PRKCA: variants seen among roughly 807,000 people sequenced by gnomAD.
PRKCA encodes protein kinase C alpha.
Under a neutral mutation model 87.0 loss-of-function variants are expected in PRKCA, and 27 were observed. The ratio of observed to expected loss-of-function variants is 0.31; its 90% CI spans 0.23 to 0.43. The LOEUF (loss-of-function observed/expected upper bound fraction) is 0.43. Ranked by LOEUF, PRKCA falls within the 20% of genes least tolerant of loss-of-function variation. PRKCA has a pLI of 1.00. For missense variants in PRKCA, 518 were observed against 852.3 expected (o/e 0.61, Z 4.88); for synonymous variants, 329 against 311.1 (o/e 1.06, Z -0.61).
At chr17:66,338,006 C>G (rs192939209) in intron 2 of PRKCA, among the ~76,000 whole-genome samples, 1 of 150,910 alleles carries the variant, frequency 6.6e-6, no homozygotes, top group Non-Finnish European at 1.5e-5. Context: ...ATCTTCCCCC[C>G]CCTCCGCCCC....
chr17:66,323,984 T>G (rs1286709278), intron 2 of PRKCA, among the ~76,000 whole-genome samples: 1 of 152,124 alleles, frequency 6.6e-6, no homozygotes, highest in Non-Finnish European at 1.5e-5. Flanking sequence ...TTTACTTGTC[T>G]AAACTTCACC....
At chr17:66,761,366 C>T (rs1319816262) in intron 13 of PRKCA, among the ~76,000 whole-genome samples, 1 of 135,262 alleles carries the variant, frequency 7.4e-6, no homozygotes, top group Non-Finnish European at 1.6e-5. Context: ...AAGACTCCGT[C>T]TCAAAAAAAA....
At chr17:66,543,659 A>G (rs1371332215) in intron 3 of PRKCA, among the ~76,000 whole-genome samples, 1 of 152,238 alleles carries the variant, frequency 6.6e-6, no homozygotes, top group Non-Finnish European at 1.5e-5. Flanking sequence ...GGCAGATTTT[A>G]TAATGCAGAA....
Position 66,696,776 on chromosome 17 carries a change from G to C in PRKCA, c.918+7729G>C, listed in dbSNP as rs1972933074. ...AGCTAAACCCGAATTCTGCTATCTT[G>C]ATGACATTTTCAGCAGACAGGCTTC... is the stretch of plus-strand genomic sequence containing the variant. On this transcript the variant is annotated intron_variant, in intron 8 of 16. Coordinates refer to ENST00000413366, the MANE Select transcript of PRKCA (RefSeq NM_002737.3). Among the ~76,000 whole-genome samples the C allele has an allele frequency of 1.3e-5, 2 of 152,184 alleles. 1 individual carries two copies. The highest frequency in any genetic ancestry group is 4.1e-4 in the South Asian group (2 of 4,828).
chr17:66,789,107 A>G, intron 16 of PRKCA, 128 bp downstream of exon 16: 1 of 1,187,464 alleles, frequency 8.4e-7, no homozygotes, highest in South Asian at 1.4e-5. Flanking sequence ...GAAACGGGCC[A>G]GGTTTCAGCC....
intron 6 of PRKCA, 40 bp from the exon 7 acceptor site, chr17:66,688,262 T>A (rs748137542): frequency 1.2e-6 from 2 of 1,607,286 alleles, no homozygotes; most frequent in Non-Finnish European, 1.7e-6. Context: ...GAAACCATGA[T>A]CAAGATAACC....
At chr17:66,426,435 AG>A (rs1266805700) in intron 2 of PRKCA, among the ~76,000 whole-genome samples, 1 of 152,232 alleles carries the variant, frequency 6.6e-6, no homozygotes, top group Admixed American at 6.5e-5. Flanking sequence ...GCAAGATTTC[AG>A]GTTGTGTCAA....
chr17:66,667,977 C>T (rs1442193145), intron 5 of PRKCA, among the ~76,000 whole-genome samples: 2 of 152,226 alleles, frequency 1.3e-5, no homozygotes, highest in African/African-American at 4.8e-5. Flanking sequence ...AAACCACTTA[C>T]TGCCACCTTG....
intron 16 of PRKCA, among the ~76,000 whole-genome samples, chr17:66,793,670 G>A (rs1457588404): frequency 1.3e-5 from 2 of 149,200 alleles, no homozygotes; most frequent in Non-Finnish European, 3.0e-5. Flanking sequence ...TAAAACAGAT[G>A]TCGCCTCTGG....
chr17:66,714,265 G>A lies in PRKCA; in HGVS notation c.919-18423G>A, dbSNP rs546894948. Among the ~76,000 whole-genome samples the A allele has an allele frequency of 7.3e-5, 11 of 150,514 alleles. No homozygotes were observed. The South Asian group carries it at 2.1e-3, about 29-fold the overall frequency. ...GGAGAATGCCCCCTTGTGAGTCCAC[G>A]CCCCCCTCAAGCTGCCAGGCCTCAT... On this transcript the variant is annotated intron_variant, in intron 8 of 16. Transcript: ENST00000413366.
intron 3 of PRKCA, chr17:66,554,630 A>G (rs976539231): frequency 2.0e-5 from 15 of 738,172 alleles, no homozygotes; most frequent in Non-Finnish European, 2.3e-5. Context: ...GGTGGGGGGC[A>G]CTAGCAAATA....
intron 3 of PRKCA, among the ~76,000 whole-genome samples, chr17:66,507,648 G>T (rs999142942): frequency 6.6e-6 from 1 of 152,176 alleles, no homozygotes. Flanking sequence ...CTTGGTTTAG[G>T]TCCTTCTGAA....
chr17:66,363,785 C>G (rs997237546), intron 2 of PRKCA, among the ~76,000 whole-genome samples: 6 of 152,220 alleles, frequency 3.9e-5, no homozygotes, highest in African/African-American at 1.4e-4. Flanking sequence ...TCACTGCAAC[C>G]TCTGCCTCCC....
At chr17:66,572,568 C>T (rs957034387) in intron 3 of PRKCA, among the ~76,000 whole-genome samples, 2 of 152,200 alleles carry the variant, frequency 1.3e-5, no homozygotes, top group African/African-American at 4.8e-5. Flanking sequence ...TGGTAACCCA[C>T]AGCTCACTGC....
intron 2 of PRKCA, among the ~76,000 whole-genome samples, chr17:66,479,132 A>G (rs973510246): frequency 5.9e-5 from 9 of 152,358 alleles, no homozygotes; most frequent in African/African-American, 2.2e-4. Context: ...TTCAGCAAAG[A>G]TCTAATATCC....
chr17:66,765,426 A>C (rs797014137), intron 13 of PRKCA, among the ~76,000 whole-genome samples: 84 of 124,280 alleles, frequency 6.8e-4, no homozygotes, highest in African/African-American at 1.2e-3. Context: ...GTCTATATAT[A>C]TATATATATA....
In PRKCA at chr17:66,655,533, A is replaced by G. The variant is rs188897571; in HGVS notation, c.529+10022A>G. Among the ~76,000 whole-genome samples, 145 of 152,260 alleles carry G rather than the reference A, an allele frequency of 9.5e-4. 1 individual carries two copies. In the Middle Eastern group the frequency reaches 0.02, roughly 21 times the overall value. On this transcript the variant is annotated intron_variant, in intron 5 of 16. Transcript: ENST00000413366. ...ACATTTTATGCCATGCCTGAAACCA[A>G]CCACTTTCTCTCCATGCCCTTTATA...
intron 2 of PRKCA, among the ~76,000 whole-genome samples, chr17:66,336,753 TTTGTGTG>T (rs1567777889): frequency 1.9e-5 from 2 of 106,108 alleles, no homozygotes; most frequent in Admixed American, 9.4e-5. Context: ...TGCAAATAAG[TTTGTGTG>T]TGTGTGTGTG....
At chr17:66,694,209 C>T (rs1023395491) in intron 8 of PRKCA, among the ~76,000 whole-genome samples, 17 of 151,992 alleles carry the variant, frequency 1.1e-4, no homozygotes, top group Non-Finnish European at 1.8e-4. Context: ...TTTGGCCAGG[C>T]GCGGTGGCTC....
Sources: gnomAD v4.1 joint callset for allele counts (sites outside exome capture counted in the v4.1 genomes callset) on GRCh38, gnomAD v4.1.1 for gene constraint, MANE v1.5 for transcripts, NCBI Gene and HGNC (gene_info 2026-07-23, HGNC 2026-07-21) for gene names.